The following CD72 variants were observed in gnomAD, a reference collection of about 807,000 sequenced individuals.
The protein encoded by CD72 is B-cell differentiation antigen CD72.
CD72 carries 28 observed loss-of-function variants against 50.7 expected under a neutral mutation model. The observed-to-expected ratio is 0.55, with a 90% CI of 0.41 to 0.76. The LOEUF (loss-of-function observed/expected upper bound fraction) is 0.76, where lower values mean the gene tolerates loss of function less well. Among genes scored for constraint, CD72 ranks in the 30% least tolerant of loss-of-function variants. The pLI, the probability that CD72 is intolerant of heterozygous loss-of-function variation, is 0.00. For missense variants in CD72, 403 were observed against 420.6 expected (o/e 0.96, Z 0.37); for synonymous variants, 176 against 171.2 (o/e 1.03, Z -0.22).
intron 1 of CD72, among the ~76,000 whole-genome samples, chr9:35,635,888 G>T (rs1268781092): frequency 1.3e-5 from 2 of 152,156 alleles, no homozygotes; most frequent in African/African-American, 2.4e-5. Flanking sequence ...GTGTGGAATG[G>T]AGAACCTCAC....
chr9:35,616,001 C>T lies in CD72; in HGVS notation c.630G>A (p.Glu210=). 3 of 1,614,100 alleles carry T rather than the reference C, an allele frequency of 1.9e-6. No individual in the cohort carries two copies. Among genetic ancestry groups the T allele is most frequent in the African/African-American group, 1.3e-5 (1 of 75,024 alleles). The change falls in exon 5 of 9, where the codon GAG becomes GAA. Residue 210 remains glutamate, a synonymous_variant. Coordinates refer to ENST00000259633, the MANE Select transcript of CD72 (RefSeq NM_001782.3). ...QSEEQQRRAL[E]QKLSNMENRL... Reference sequence around the variant, plus strand: ...TGTTCTCCATGTTGCTCAGCTTCTGCTCCAAGGCCCTCCTCTGTTGCTCCT... The same window carrying T: ...TGTTCTCCATGTTGCTCAGCTTCTGTTCCAAGGCCCTCCTCTGTTGCTCCT...
At chr9:35,622,794 AT>A (rs1253791365), upstream of CD72, among the ~76,000 whole-genome samples, 73 of 148,054 alleles carry the variant, frequency 4.9e-4, no homozygotes, top group South Asian at 8.5e-4. Context: ...CTCAAAAAAA[AT>A]AATAATAATA....
intron 1 of CD72, among the ~76,000 whole-genome samples, chr9:35,638,892 G>T (rs1296709314): frequency 1.3e-5 from 2 of 152,184 alleles, no homozygotes; most frequent in East Asian, 1.9e-4. Context: ...ACACAAAGCT[G>T]TTAATTCTGA....
intron 6 of CD72, 87 bp from the exon 7 acceptor site, chr9:35,612,006 T>C: frequency 1.3e-6 from 1 of 748,614 alleles, no homozygotes; most frequent in South Asian, 1.5e-5. Context: ...GGCCTCAGCT[T>C]TGGCAAGGGG....
chr9:35,622,985 T>C (rs1226251771), upstream of CD72, among the ~76,000 whole-genome samples: 1 of 152,090 alleles, frequency 6.6e-6, no homozygotes, highest in African/African-American at 2.4e-5. Context: ...CACATGCTTA[T>C]GGTCTCAGCT....
chr9:35,642,089 C>T (rs1356772095), intron 1 of CD72, among the ~76,000 whole-genome samples: 5 of 152,246 alleles, frequency 3.3e-5, no homozygotes, highest in African/African-American at 1.2e-4. Flanking sequence ...CTAACCACTG[C>T]ATACCCTGCT....
upstream of CD72, among the ~76,000 whole-genome samples, chr9:35,623,981 G>C (rs1318687302): frequency 1.3e-5 from 2 of 151,704 alleles, no homozygotes; most frequent in Non-Finnish European, 2.9e-5. Flanking sequence ...TGTAATCCCA[G>C]CACTTTGGGA....
rs759938882 is a variant in CD72 at position 35,616,542 on chromosome 9, C to T, written c.352+58G>A. On this transcript the variant is annotated intron_variant, in intron 4 of 8. Transcript: ENST00000259633. ...CTGCTGAGGAAGATCAGCTTTGGGG[C>T]GAGAGTCGGGACGAAAGTCGTTCGG... is the stretch of plus-strand genomic sequence containing the variant. 5 of 1,335,190 alleles carry T rather than the reference C, an allele frequency of 3.7e-6. No individual in the cohort carries two copies. In the African/African-American group the frequency reaches 7.2e-5, roughly 19 times the overall value. The allele number at this position is 1,335,190 out of a possible 1,614,324, so 82.7% of individuals were successfully genotyped here.
At chr9:35,643,547 G>A (rs1406933120) in intron 1 of CD72, 1 of 152,272 alleles carries the variant, frequency 6.6e-6, no homozygotes, top group East Asian at 1.9e-4. Context: ...ACAAAGGCCT[G>A]GTAGACTAAG....
rs35162913 is a variant in CD72, at chr9:35,636,316, C to CT, written n.408+10086dup. Among the ~76,000 whole-genome samples the CT allele has an allele frequency of 9.9e-5, 15 of 151,194 alleles. No homozygotes were observed. The South Asian group carries it at 1.0e-3, about 11-fold the overall frequency. On this transcript the variant is annotated intron_variant and non_coding_transcript_variant, in intron 1 of 3. Coordinates refer to the CD72 transcript ENST00000465754. ...TTGTGTAGCCTTTGGTTCTATTTGA[C>CT]TTTTTTTTTAACCACGTGCACATTA...
chr9:35,611,729 A>T, intron 7 of CD72, 75 bp downstream of exon 7: 1 of 816,568 alleles, frequency 1.2e-6, no homozygotes, highest in Non-Finnish European at 2.1e-6. Flanking sequence ...ACCAGGTGGG[A>T]AGGAAATCTG....
chr9:35,610,514 C>T (rs1822960151), intron 8 of CD72, 88 bp downstream of exon 8: 13 of 871,776 alleles, frequency 1.5e-5, no homozygotes, highest in African/African-American at 5.4e-5. Flanking sequence ...AGTTTTCTCT[C>T]GGGCCCCTGG....
chr9:35,644,350 CAAAAAAAAAAAA>C (rs74176726), intron 1 of CD72, among the ~76,000 whole-genome samples: 3 of 68,198 alleles, frequency 4.4e-5, no homozygotes, highest in East Asian at 5.7e-4. Flanking sequence ...AACTCTGTCT[CAAAAAAAAAAAA>C]AAAAAAAAAA....
chr9:35,614,491 A>C (rs930212577), intron 5 of CD72, among the ~76,000 whole-genome samples: 1 of 152,198 alleles, frequency 6.6e-6, no homozygotes, highest in African/African-American at 2.4e-5. Context: ...AGAGTGGAAG[A>C]TGAGGACATC....
chr9:35,617,064 T>C, intron 3 of CD72, 112 bp downstream of exon 3: 1 of 1,488,880 alleles, frequency 6.7e-7, no homozygotes, highest in Admixed American at 2.5e-5. Context: ...TCGGAAGGAC[T>C]GCGCCCGGGT....
At chr9:35,610,572 C>G in intron 8 of CD72, 30 bp downstream of exon 8, 2 of 1,580,992 alleles carry the variant, frequency 1.3e-6, no homozygotes, top group Non-Finnish European at 1.7e-6. Context: ...CCTGGACTCC[C>G]CATGCCTCAG....
intron 5 of CD72, among the ~76,000 whole-genome samples, chr9:35,613,874 G>A (rs943738760): frequency 3.9e-5 from 6 of 152,084 alleles, no homozygotes; most frequent in African/African-American, 1.2e-4. Context: ...GCACCATGGC[G>A]CATGCCTATA....
At chr9:35,622,656 G>A (rs777255328), upstream of CD72, among the ~76,000 whole-genome samples, 16 of 151,948 alleles carry the variant, frequency 1.1e-4, no homozygotes, top group Admixed American at 3.9e-4. Context: ...GCATGGCGGC[G>A]CACACCTGTA....
intron 1 of CD72, among the ~76,000 whole-genome samples, chr9:35,643,686 C>A (rs1823359745): frequency 6.6e-6 from 1 of 152,066 alleles, no homozygotes. Flanking sequence ...TGTAAAAGAA[C>A]TATAGAAGGG....
Sources: allele counts gnomAD v4.1 joint callset (sites outside exome capture counted in the v4.1 genomes callset), GRCh38; gene constraint gnomAD v4.1.1; transcripts MANE v1.5; gene names NCBI Gene and HGNC (gene_info 2026-07-23, HGNC 2026-07-21).